Variants in UTP4 observed in about 807,000 individuals in gnomAD.
UTP4 encodes UTP4 small subunit processome component.
A neutral mutation model predicts 82.4 loss-of-function variants in UTP4; 45 were observed. The observed-to-expected ratio is 0.55, with a 90% confidence interval of 0.43 to 0.70. The LOEUF is 0.70. Ranked by LOEUF, UTP4 falls within the 30% of genes least tolerant of loss-of-function variation. The pLI is 0.00. For synonymous variants in UTP4, 348 were observed against 300.3 expected (o/e 1.16, Z -1.64); for missense variants, 819 against 858.3 (o/e 0.95, Z 0.57).
chr16:69,133,840 C>T (rs1227216885), intron 2 of UTP4, among the ~76,000 whole-genome samples: 1 of 152,202 alleles, frequency 6.6e-6, no homozygotes, highest in Non-Finnish European at 1.5e-5. Flanking sequence ...TGTGACATCT[C>T]ACTGCCTGTC....
At chr16:69,155,510 A>G (rs1375484750) in intron 10 of UTP4, among the ~76,000 whole-genome samples, 1 of 152,176 alleles carries the variant, frequency 6.6e-6, no homozygotes, top group Non-Finnish European at 1.5e-5. Flanking sequence ...TTTAAAGCAG[A>G]ACGCCGTACA....
Position 69,155,926 on chromosome 16 carries a change from A to G in UTP4, c.1220A>G (p.Tyr407Cys), listed in dbSNP as rs751215674. The change falls in exon 11 of 17, where the codon TAT becomes TGT. Residue 407 changes from tyrosine (Y) to cysteine (C), a missense_variant. Physicochemically the swap from Tyr to Cys is radical, Grantham distance 194 (BLOSUM62 -2). Transcript: ENST00000314423. Reference sequence around the variant, plus strand: ...TCCCCATGTGGAAGTTGGATAGCCTATTCTACAGTTTCTCGGTTTTTTCTC... The same window carrying G: ...TCCCCATGTGGAAGTTGGATAGCCTGTTCTACAGTTTCTCGGTTTTTTCTC... ...CISPCGSWIA[Y>C]STVSRFFLYR... 4 of 1,613,816 alleles carry G rather than the reference A, an allele frequency of 2.5e-6. No homozygotes were observed. Among genetic ancestry groups the G allele is most frequent in the South Asian group, 1.1e-5 (1 of 91,076 alleles).
chr16:69,149,406 C>T (rs768626021), intron 6 of UTP4, among the ~76,000 whole-genome samples: 9 of 151,062 alleles, frequency 6.0e-5, no homozygotes, highest in African/African-American at 1.9e-4. Context: ...AAAAATTAGC[C>T]GGGTGTGGTG....
At position 69,143,352 on chromosome 16, in the gene UTP4, T is replaced by A; in HGVS notation, c.701T>A (p.Ile234Asn). The A allele has an allele frequency of 6.2e-7, 1 of 1,614,170 alleles. No homozygotes were observed. Among genetic ancestry groups the A allele is most frequent in the African/African-American group, 1.3e-5 (1 of 75,050 alleles). ...GGGACGCTTGTGAAGAGCCATCTCATCGCTAATGCTGACGTGCAGTCCATT... is the reference window on the plus strand; with the variant it reads ...GGGACGCTTGTGAAGAGCCATCTCAACGCTAATGCTGACGTGCAGTCCATT... ...ATGTLVKSHLIANADVQSIAV... is the reference protein window; with the variant it reads ...ATGTLVKSHLNANADVQSIAV... The change falls in exon 6 of 17, where the codon ATC (isoleucine) becomes AAC (asparagine). Residue 234 changes from isoleucine (I) to asparagine (N), a missense_variant. Coordinates refer to ENST00000314423, the MANE Select transcript of UTP4 (RefSeq NM_032830.3).
chr16:69,159,047 C>T (rs114747311), intron 12 of UTP4, among the ~76,000 whole-genome samples: 2,263 of 151,538 alleles, frequency 0.015, 56 homozygotes, highest in African/African-American at 0.051. Flanking sequence ...GCTGTTTGTC[C>T]GTAACTTTTT....
At chr16:69,145,368 C>T (rs1963081193) in intron 6 of UTP4, among the ~76,000 whole-genome samples, 1 of 151,894 alleles carries the variant, frequency 6.6e-6, no homozygotes, top group African/African-American at 2.4e-5. Flanking sequence ...TCAAGCGATT[C>T]TCCTGACTCA....
At chr16:69,160,583 A>C (rs77742534) in intron 13 of UTP4, 121 bp downstream of exon 13, 46,640 of 687,318 alleles carry the variant, frequency 0.068, 1,817 homozygotes, top group Non-Finnish European at 0.081. Context: ...TTTTCTTTTT[A>C]TTTTCTTTTC....
At position 69,163,405 on chromosome 16, in the gene UTP4, A is replaced by T. The variant is rs1418774475; in HGVS notation, c.1647+227A>T. On this transcript the variant is annotated intron_variant, in intron 14 of 16. Transcript: ENST00000314423. ...AAATGGAGAAGCACTAAGATTCTAG[A>T]GTAAAGAATCACAAGAGGGAGGAGG... Among the ~76,000 whole-genome samples the T allele has an allele frequency of 2.0e-5, 3 of 152,164 alleles. No homozygotes were observed. In the East Asian group the frequency reaches 5.8e-4, roughly 29 times the overall value.
At chr16:69,134,528 T>C (rs77623859) in intron 2 of UTP4, among the ~76,000 whole-genome samples, 2,734 of 150,682 alleles carry the variant, frequency 0.018, 88 homozygotes, top group African/African-American at 0.063. Context: ...TTGCCTTCCC[T>C]GAGAGGTGGG....
At chr16:69,161,494 T>C (rs192371502) in intron 13 of UTP4, among the ~76,000 whole-genome samples, 245 of 152,332 alleles carry the variant, frequency 1.6e-3, no homozygotes, top group African/African-American at 5.7e-3. Flanking sequence ...TGCTTTGCAA[T>C]TGTACATAAA....
intron 16 of UTP4, 157 bp downstream of exon 16, chr16:69,167,342 GTA>G (rs1308169965): frequency 4.6e-6 from 3 of 658,242 alleles, no homozygotes; most frequent in African/African-American, 3.6e-5. Flanking sequence ...GCTGTCCCTT[GTA>G]TATGTTTTAT....
chr16:69,165,127 G>A (rs1180919093), intron 14 of UTP4, among the ~76,000 whole-genome samples: 10 of 151,862 alleles, frequency 6.6e-5, no homozygotes, highest in Non-Finnish European at 8.8e-5. Flanking sequence ...CCGGGGAGGC[G>A]GAGCTTGCAG....
chr16:69,167,314 G>A (rs1963726643), intron 16 of UTP4, 129 bp downstream of exon 16: 6 of 710,140 alleles, frequency 8.4e-6, no homozygotes, highest in Non-Finnish European at 1.5e-5. Flanking sequence ...TGGGAGACAA[G>A]TCACCTTTTT....
chr16:69,165,099 G>T (rs1963669458), intron 14 of UTP4, among the ~76,000 whole-genome samples: 1 of 152,144 alleles, frequency 6.6e-6, no homozygotes, highest in South Asian at 2.1e-4. Flanking sequence ...GGAGGCTGAG[G>T]CAGGAGAACG....
chr16:69,134,702 C>CTT (rs751705922), intron 2 of UTP4, among the ~76,000 whole-genome samples: 27 of 131,496 alleles, frequency 2.1e-4, no homozygotes, highest in South Asian at 4.9e-4. Flanking sequence ...TTTTCTTTTT[C>CTT]TTTTTTTTTT....
At chr16:69,138,957 TC>T (rs1962885965) in intron 4 of UTP4, 2 of 145,244 alleles carry the variant, frequency 1.4e-5, no homozygotes, top group Non-Finnish European at 3.0e-5. Context: ...TCTTGGGTGC[TC>T]TTTTTTTTTT....
At position 69,168,915 on chromosome 16, in the gene UTP4, A is replaced by G. The variant is rs1333987024; in HGVS notation, c.2039A>G (p.Lys680Arg). Residue 680 changes from lysine to arginine, a missense_variant, in exon 17 of 17, where the codon AAA (lysine) becomes AGA (arginine). By Grantham distance (26) the Lys-to-Arg change is conservative. Transcript: ENST00000314423. ...ATTGCTCAGCTCCCACCACCCATTA[A>G]AAAGAAGAAATTTGGAACCTAAAAC... Reference protein sequence around the residue: ...DIIAQLPPPIKKKKFGT With the variant: ...DIIAQLPPPIRKKKFGT The G allele has an allele frequency of 1.2e-6, 2 of 1,613,216 alleles. No homozygotes were observed. Among genetic ancestry groups the G allele is most frequent in the East Asian group, 2.2e-5 (1 of 44,868 alleles).
chr16:69,141,665 G>A (rs1962962514), intron 5 of UTP4, among the ~76,000 whole-genome samples: 1 of 151,670 alleles, frequency 6.6e-6, no homozygotes, highest in Admixed American at 6.6e-5. Flanking sequence ...TCATTTCTTT[G>A]TCTTTTTACT....
At chr16:69,153,367 CT>C (rs146925390) in intron 8 of UTP4, among the ~76,000 whole-genome samples, 4,753 of 152,276 alleles carry the variant, frequency 0.031, 103 homozygotes, top group Non-Finnish European at 0.042. Context: ...TGTGTCACCC[CT>C]TTAGAAGCAT....
Sources: gnomAD v4.1 joint callset for allele counts (sites outside exome capture counted in the v4.1 genomes callset) on GRCh38, gnomAD v4.1.1 for gene constraint, MANE v1.5 for transcripts, NCBI Gene and HGNC (gene_info 2026-07-23, HGNC 2026-07-21) for gene names.